The following KCNIP4 variants were observed in gnomAD, a reference collection of about 807,000 sequenced individuals.
The protein encoded by KCNIP4 is potassium voltage-gated channel interacting protein 4, also known as Kv channel-interacting protein 4.
Under a neutral mutation model 34.0 loss-of-function variants are expected in KCNIP4, and 12 were observed. That is an observed-to-expected ratio of 0.35 (90% CI 0.23 to 0.57). The LOEUF is 0.57. KCNIP4 is among the 20% of genes least tolerant of loss of function. The pLI is 0.83. For missense variants in KCNIP4, 238 were observed against 311.7 expected, an observed-to-expected ratio of 0.76 and a Z score of 1.78; for synonymous variants, 124 against 102.2, an observed-to-expected ratio of 1.21 and a Z score of -1.29.
At chr4:21,531,302 CTCT>C (rs1162398179) in intron 1 of KCNIP4, among the ~76,000 whole-genome samples, 4 of 151,296 alleles carry the variant, frequency 2.6e-5, no homozygotes, top group South Asian at 2.1e-4. Context: ...TTCTCTCTCT[CTCT>C]TTTCTTCCTT....
chr4:21,343,716 G>A (rs1178974202), intron 1 of KCNIP4, among the ~76,000 whole-genome samples: 1 of 151,944 alleles, frequency 6.6e-6, no homozygotes, highest in African/African-American at 2.4e-5. Context: ...AAGTCTCAGG[G>A]GGAGCTTCAA....
intron 1 of KCNIP4, among the ~76,000 whole-genome samples, chr4:21,249,346 C>T (rs926820269): frequency 1.3e-5 from 2 of 152,024 alleles, no homozygotes; most frequent in Non-Finnish European, 2.9e-5. Flanking sequence ...CTCTCTCTTC[C>T]GATGCATTAG....
intron 1 of KCNIP4, among the ~76,000 whole-genome samples, chr4:21,348,528 A>G (rs889699147): frequency 6.6e-6 from 1 of 152,172 alleles, no homozygotes; most frequent in Admixed American, 6.5e-5. Context: ...AAGCCTGTAT[A>G]CAACATAACA....
intron 1 of KCNIP4, among the ~76,000 whole-genome samples, chr4:21,903,929 G>C (rs75427376): frequency 6.6e-6 from 1 of 151,788 alleles, no homozygotes; most frequent in Non-Finnish European, 1.5e-5. Flanking sequence ...CAATTTTATC[G>C]TCTCATATCT....
chr4:20,892,412 TTA>T (rs1253961812), intron 1 of KCNIP4, among the ~76,000 whole-genome samples: 2 of 152,184 alleles, frequency 1.3e-5, no homozygotes, highest in Non-Finnish European at 2.9e-5. Flanking sequence ...TCACTCTTTC[TTA>T]GTCTTTGTGC....
At chr4:21,240,305 C>T (rs1759713034) in intron 1 of KCNIP4, among the ~76,000 whole-genome samples, 1 of 145,562 alleles carries the variant, frequency 6.9e-6, no homozygotes, top group Non-Finnish European at 1.5e-5. Context: ...AGCACACCAA[C>T]ATGGCACATG....
At chr4:20,876,896 T>C (rs1289308554) in intron 2 of KCNIP4, among the ~76,000 whole-genome samples, 1 of 151,886 alleles carries the variant, frequency 6.6e-6, no homozygotes, top group Non-Finnish European at 1.5e-5. Flanking sequence ...ATAAGAGGAG[T>C]GTGACTCTAA....
Position 21,303,945 on chromosome 4 carries a change from G to A in KCNIP4, c.62-421236C>T, listed in dbSNP as rs372207755. 5.6e-6 allele frequency: 9 copies of A among 1,605,750 alleles called. No individual in the cohort carries two copies. The African/African-American group carries it at 9.4e-5, about 17-fold the overall frequency. ...ATGGTCCGACCACAGCCACTGAGAA[G>A]TGCTCCTCTGCCTGGCTTTCTTTGT... On this transcript the variant is annotated intron_variant, in intron 1 of 8. Transcript: ENST00000382152.
intron 1 of KCNIP4, among the ~76,000 whole-genome samples, chr4:21,322,955 A>G (rs1159440479): frequency 6.6e-6 from 1 of 152,020 alleles, no homozygotes; most frequent in Non-Finnish European, 1.5e-5. Context: ...TAAATGTTCA[A>G]TTAATATGTG....
intron 1 of KCNIP4, among the ~76,000 whole-genome samples, chr4:21,043,524 AG>A (rs1742144972): frequency 6.6e-6 from 1 of 151,630 alleles, no homozygotes; most frequent in Non-Finnish European, 1.5e-5. Flanking sequence ...TTTTTAGTAA[AG>A]GTGGGATTTT....
intron 1 of KCNIP4, among the ~76,000 whole-genome samples, chr4:21,919,772 T>G (rs997682352): frequency 6.6e-6 from 1 of 152,178 alleles, no homozygotes; most frequent in Non-Finnish European, 1.5e-5. Flanking sequence ...TCCCTTTATT[T>G]TCTATACTTA....
chr4:20,859,303 A>T (rs1023898090), intron 2 of KCNIP4, among the ~76,000 whole-genome samples: 1 of 152,172 alleles, frequency 6.6e-6, no homozygotes, highest in African/African-American at 2.4e-5. Flanking sequence ...CCAGAACCAG[A>T]TGGGACTCTG....
rs546550625 is a variant in KCNIP4, at chr4:21,054,031, G to A, written c.62-171322C>T. On this transcript the variant is annotated intron_variant, in intron 1 of 8. Coordinates refer to ENST00000382152, the MANE Select transcript of KCNIP4 (RefSeq NM_025221.6). ...ATGATTTTGTAGATATTGACAAAATGTAGATATTGACAAAATGTAGATACT... is the reference window on the plus strand; with the variant it reads ...ATGATTTTGTAGATATTGACAAAATATAGATATTGACAAAATGTAGATACT... Among the ~76,000 whole-genome samples, 17 of 152,248 alleles carry A rather than the reference G, an allele frequency of 1.1e-4. No individual in the cohort carries two copies. The South Asian group carries it at 3.3e-3, about 30-fold the overall frequency.
Position 21,336,075 on chromosome 4 carries a change from C to T in KCNIP4, c.62-453366G>A, listed in dbSNP as rs532770833. On this transcript the variant is annotated intron_variant, in intron 1 of 8. Transcript: ENST00000382152. ...TCCTAGTTTGAATATTTATATAAAT[C>T]GTATCAAAATGGTATCAAACTATAT... Among the ~76,000 whole-genome samples, 12 of 152,082 alleles carry T rather than the reference C, an allele frequency of 7.9e-5. No homozygotes were observed. In the South Asian group the frequency reaches 1.2e-3, roughly 16 times the overall value.
intron 1 of KCNIP4, among the ~76,000 whole-genome samples, chr4:21,829,928 A>G (rs1231679527): frequency 6.6e-6 from 1 of 152,162 alleles, no homozygotes; most frequent in African/African-American, 2.4e-5. Flanking sequence ...AGAGGAAGAA[A>G]GGAACAAAAG....
chr4:21,286,613 G>A (rs570340824), intron 1 of KCNIP4, among the ~76,000 whole-genome samples: 9 of 152,210 alleles, frequency 5.9e-5, no homozygotes, highest in East Asian at 3.9e-4. Context: ...GTCAGAAACC[G>A]CTGTAAATTT....
At chr4:21,559,311 G>A (rs900548602) in intron 1 of KCNIP4, among the ~76,000 whole-genome samples, 5 of 152,246 alleles carry the variant, frequency 3.3e-5, no homozygotes, top group African/African-American at 1.2e-4. Flanking sequence ...CAATTTGAAT[G>A]AGGACACTGA....
intron 1 of KCNIP4, among the ~76,000 whole-genome samples, chr4:21,527,108 A>G (rs2108963300): frequency 6.6e-6 from 1 of 152,310 alleles, no homozygotes; most frequent in African/African-American, 2.4e-5. Flanking sequence ...TACAAGGGTT[A>G]TGGCATTCAG....
intron 1 of KCNIP4, among the ~76,000 whole-genome samples, chr4:21,354,619 C>T (rs963572027): frequency 1.3e-5 from 2 of 152,042 alleles, no homozygotes; most frequent in African/African-American, 4.8e-5. Context: ...ATATATGCAC[C>T]CAATACAGGA....
Sources: allele counts gnomAD v4.1 joint callset (sites outside exome capture counted in the v4.1 genomes callset), GRCh38; gene constraint gnomAD v4.1.1; transcripts MANE v1.5; gene names NCBI Gene and HGNC (gene_info 2026-07-23, HGNC 2026-07-21).